Variants in PRPF18 observed in about 807,000 individuals in gnomAD.
The protein encoded by PRPF18 is pre-mRNA processing factor 18.
A neutral mutation model predicts 46.5 loss-of-function variants in PRPF18; 38 were observed. That is an observed-to-expected ratio of 0.82 (90% CI 0.63 to 1.07). The LOEUF is 1.07. PRPF18 is among the 50% of genes least tolerant of loss of function. PRPF18 has a pLI of 0.00. For missense variants in PRPF18, 263 were observed against 410.0 expected (o/e 0.64, Z 3.10); for synonymous variants, 152 against 146.7 (o/e 1.04, Z -0.26).
intron 1 of PRPF18, among the ~76,000 whole-genome samples, chr10:13,590,294 C>A (rs1027658738): frequency 2.0e-5 from 3 of 151,750 alleles, no homozygotes; most frequent in Non-Finnish European, 2.9e-5. Flanking sequence ...AAAGGGCGTA[C>A]ATGAAATGGG....
At chr10:13,652,342 G>A in the PRPF18 span, 39 of 266,626 alleles carry the variant, frequency 1.5e-4, no homozygotes, top group African/African-American at 8.0e-4. Context: ...GGACCCTGAG[G>A]AGGGCTTGTA....
At chr10:13,638,078 T>A in the PRPF18 span, 1 of 152,214 alleles carries the variant, frequency 6.6e-6, no homozygotes, top group Admixed American at 6.5e-5. Flanking sequence ...GGGTTGGTCG[T>A]ATGACATGGT....
Position 13,613,884 on chromosome 10 carries a change from G to A in PRPF18, c.720+3G>A, listed in dbSNP as rs1246237842. 3 of 1,597,570 alleles carry A rather than the reference G, an allele frequency of 1.9e-6. No homozygotes were observed. The highest frequency in any genetic ancestry group is 2.3e-5 in the South Asian group (2 of 87,052). ...TTTTTAGAAAGCTACGGAAAAGGGTGAGGTTTCTTGGAAAATACTTTTTTT... is the reference window on the plus strand; with the variant it reads ...TTTTTAGAAAGCTACGGAAAAGGGTAAGGTTTCTTGGAAAATACTTTTTTT... On this transcript the variant is annotated splice_donor_region_variant and intron_variant, in intron 7 of 9. Transcript: ENST00000378572.
Position 13,616,481 on chromosome 10 carries a change from T to C in PRPF18, c.876T>C (p.Thr292=). The change falls in exon 9 of 10, where the codon ACT becomes ACC. Residue 292 remains threonine, a synonymous_variant. Transcript: ENST00000378572. ...CTATGGTTGGTATCCATGCCAGAACTGGCAGAGAAAAGATTTTTTCCAAGC... is the reference window on the plus strand; with the variant it reads ...CTATGGTTGGTATCCATGCCAGAACCGGCAGAGAAAAGATTTTTTCCAAGC... ...GVTMVGIHAR[T]GREKIFSKHV... 1 of 1,614,060 alleles carries C rather than the reference T, an allele frequency of 6.2e-7. No individual in the cohort carries two copies. Among genetic ancestry groups the C allele is most frequent in the Non-Finnish European group, 8.5e-7 (1 of 1,179,916 alleles).
chr10:13,620,427 T>C (rs7078331), intron 9 of PRPF18, among the ~76,000 whole-genome samples: 5,581 of 152,338 alleles, frequency 0.037, 311 homozygotes, highest in African/African-American at 0.12. Flanking sequence ...CGGTATAAAA[T>C]GCCTCAATGC....
At chr10:13,651,841 A>AAAGCAACACATGT in the PRPF18 span, 2 of 839,332 alleles carry the variant, frequency 2.4e-6, no homozygotes, top group Non-Finnish European at 4.2e-6. Flanking sequence ...GACATGGACA[A>AAAGCAACACATGT]AAGCAACACA....
chr10:13,615,417 C>T (rs2080325033), intron 8 of PRPF18, among the ~76,000 whole-genome samples: 1 of 152,176 alleles, frequency 6.6e-6, no homozygotes. Flanking sequence ...AAAGTTTATA[C>T]ACATGAAAAT....
At chr10:13,607,650 A>T (rs1359408736) in intron 4 of PRPF18, among the ~76,000 whole-genome samples, 1 of 152,134 alleles carries the variant, frequency 6.6e-6, no homozygotes. Context: ...TACTCAAGGG[A>T]TCCTCCCGCC....
rs1476815755 is a variant in PRPF18 at position 13,616,881 on chromosome 10, T to C, written c.948+328T>C. ...AGCTCATCAGAGAAATGTGGGAGTT[T>C]AGTGAAGAGCAACAAACTTAGAGTA... On this transcript the variant is annotated intron_variant, in intron 9 of 9. Coordinates refer to ENST00000378572, the MANE Select transcript of PRPF18 (RefSeq NM_003675.4). Among the ~76,000 whole-genome samples the C allele has an allele frequency of 3.9e-5, 6 of 152,180 alleles. No homozygotes were observed. The South Asian group carries it at 6.2e-4, about 16-fold the overall frequency.
the PRPF18 span, chr10:13,651,838 A>C: frequency 3.8e-5 from 31 of 825,188 alleles, no homozygotes; most frequent in Non-Finnish European, 6.5e-5. Flanking sequence ...GATGACATGG[A>C]CAAAAGCAAC....
At chr10:13,639,539 T>G in the PRPF18 span, 1 of 152,110 alleles carries the variant, frequency 6.6e-6, no homozygotes, top group African/African-American at 2.4e-5. Flanking sequence ...AGTGCTTGTG[T>G]TTTTGTCCTT....
chr10:13,606,749 A>AAAAAAC (rs1240260245), intron 4 of PRPF18, among the ~76,000 whole-genome samples: 1 of 150,490 alleles, frequency 6.6e-6, no homozygotes, highest in Non-Finnish European at 1.5e-5. Context: ...AAAAAAAAAA[A>AAAAAAC]AAAAAAAAAC....
At chr10:13,609,109 T>G (rs894063327) in intron 4 of PRPF18, among the ~76,000 whole-genome samples, 1 of 152,248 alleles carries the variant, frequency 6.6e-6, no homozygotes, top group African/African-American at 2.4e-5. Flanking sequence ...ATGCTTTTTG[T>G]GTGAGAACGT....
the PRPF18 span, among the ~76,000 whole-genome samples, chr10:13,636,352 G>T: frequency 6.6e-6 from 1 of 152,204 alleles, no homozygotes; most frequent in South Asian, 2.1e-4. Context: ...CCAGGAGGTC[G>T]AGGCTGTAGT....
At chr10:13,609,794 T>A (rs1034968817) in intron 4 of PRPF18, among the ~76,000 whole-genome samples, 4 of 152,234 alleles carry the variant, frequency 2.6e-5, no homozygotes, top group Non-Finnish European at 5.9e-5. Flanking sequence ...TGTATTTTAT[T>A]TTTCTGACCA....
rs2478114 is a variant in PRPF18, at chr10:13,595,430, A to G, written c.67-2028A>G. ...CACAGCCCTTTCTGAGAGGATACCA[A>G]TGTGTGTTTGCCAACTTATTTGAAA... On this transcript the variant is annotated intron_variant, in intron 1 of 9. Transcript: ENST00000378572. Among the ~76,000 whole-genome samples, 637 of 152,278 alleles carry G rather than the reference A, an allele frequency of 4.2e-3. 1 individual carries two copies. Among genetic ancestry groups the G allele is most frequent in the African/African-American group, 0.015 (618 of 41,560 alleles).
the PRPF18 span, chr10:13,655,435 G>C: frequency 6.6e-6 from 1 of 152,108 alleles, no homozygotes; most frequent in Non-Finnish European, 1.5e-5. Context: ...AATTTCACTG[G>C]GCTATTTTAC....
intron 2 of PRPF18, among the ~76,000 whole-genome samples, chr10:13,598,306 C>G (rs188237729): frequency 6.6e-6 from 1 of 152,176 alleles, no homozygotes; most frequent in East Asian, 1.9e-4. Flanking sequence ...ATTTTTAACT[C>G]AAAGCTCAGA....
At chr10:13,632,239 G>T (rs538864818), downstream of PRPF18, among the ~76,000 whole-genome samples, 6 of 152,114 alleles carry the variant, frequency 3.9e-5, no homozygotes, top group African/African-American at 1.4e-4. Flanking sequence ...TACTCGGGAG[G>T]CTGAGGCAGG....
Sources: gnomAD v4.1 joint callset for allele counts (sites outside exome capture counted in the v4.1 genomes callset) on GRCh38, gnomAD v4.1.1 for gene constraint, MANE v1.5 for transcripts, NCBI Gene and HGNC (gene_info 2026-07-23, HGNC 2026-07-21) for gene names.